TGFBR3: variants seen among roughly 807,000 people sequenced by gnomAD.
TGFBR3 encodes transforming growth factor beta receptor 3.
In TGFBR3, 46 loss-of-function variants were observed where a neutral mutation model predicts 87.9. That is an observed-to-expected ratio of 0.52 (90% CI 0.41 to 0.67). TGFBR3 has a LOEUF of 0.67. Among genes scored for constraint, TGFBR3 ranks in the 30% least tolerant of loss-of-function variants. TGFBR3 has a pLI of 0.00. For synonymous variants in TGFBR3, 381 were observed against 391.6 expected, an observed-to-expected ratio of 0.97 and a Z score of 0.32; for missense variants, 866 against 1,041.9, an observed-to-expected ratio of 0.83 and a Z score of 2.32.
At chr1:91,705,196 C>T (rs940213744) in intron 14 of TGFBR3, among the ~76,000 whole-genome samples, 6 of 151,146 alleles carry the variant, frequency 4.0e-5, no homozygotes, top group African/African-American at 1.5e-4. Flanking sequence ...TAAACCAATG[C>T]AATTAGGCAA....
chr1:91,787,574 T>G (rs1428905839), intron 3 of TGFBR3, among the ~76,000 whole-genome samples: 1 of 151,986 alleles, frequency 6.6e-6, no homozygotes, highest in Admixed American at 6.5e-5. Context: ...AGGCAGAGTT[T>G]TTGGAGTTGT....
At chr1:91,730,936 C>T (rs921687758) in intron 5 of TGFBR3, among the ~76,000 whole-genome samples, 1 of 152,220 alleles carries the variant, frequency 6.6e-6, no homozygotes, top group African/African-American at 2.4e-5. Context: ...GATGCAAGTA[C>T]CAGAATCTGA....
intron 14 of TGFBR3, among the ~76,000 whole-genome samples, chr1:91,703,642 C>T (rs773589086): frequency 1.3e-5 from 2 of 152,100 alleles, no homozygotes; most frequent in African/African-American, 4.8e-5. Context: ...TCATCACCGA[C>T]GTGGTGTAAT....
At chr1:91,883,718 A>G (rs1279455061) in intron 1 of TGFBR3, among the ~76,000 whole-genome samples, 1 of 152,146 alleles carries the variant, frequency 6.6e-6, no homozygotes, top group Non-Finnish European at 1.5e-5. Flanking sequence ...GCTGCCGTGT[A>G]ACGGTCAGAT....
intron 2 of TGFBR3, among the ~76,000 whole-genome samples, chr1:91,818,623 T>A (rs1676334210): frequency 6.6e-6 from 1 of 152,028 alleles, no homozygotes. Context: ...AGGAAAAAAA[T>A]AGGATCAAGG....
At chr1:91,730,346 G>A (rs1394487978) in intron 5 of TGFBR3, among the ~76,000 whole-genome samples, 1 of 152,132 alleles carries the variant, frequency 6.6e-6, no homozygotes, top group African/African-American at 2.4e-5. Flanking sequence ...GAACACCCAG[G>A]CGGGGCCTAG....
chr1:91,684,193 C>T (rs1218453696), intron 16 of TGFBR3, among the ~76,000 whole-genome samples: 4 of 152,194 alleles, frequency 2.6e-5, no homozygotes, highest in African/African-American at 4.8e-5. Context: ...TCTGTGTGAG[C>T]TGGCAACTGA....
chr1:91,842,548 A>G (rs1677324914), intron 2 of TGFBR3, among the ~76,000 whole-genome samples: 1 of 152,194 alleles, frequency 6.6e-6, no homozygotes, highest in Non-Finnish European at 1.5e-5. Flanking sequence ...CCAGGTGCTC[A>G]GTTCAAATCC....
chr1:91,778,863 G>T (rs535993312), intron 3 of TGFBR3, among the ~76,000 whole-genome samples: 2 of 152,202 alleles, frequency 1.3e-5, no homozygotes, highest in East Asian at 3.8e-4. Flanking sequence ...AAAAGAGAGT[G>T]TGTCTGTTGT....
At position 91,773,954 on chromosome 1, in the gene TGFBR3, T is replaced by C. The variant is rs115482268; in HGVS notation, c.247-15204A>G. 5.6e-3 allele frequency among the ~76,000 whole-genome samples: 860 copies of C among 152,276 alleles called. 4 individuals carry two copies. Among genetic ancestry groups the C allele is most frequent in the South Asian group, 8.7e-3 (42 of 4,824 alleles). ...GAGAGTTTCTTTGCTTTCCTTAACT[T>C]TAATTCTGGGTCAGTGTGCCCACTT... On this transcript the variant is annotated intron_variant, in intron 3 of 16. Transcript: ENST00000212355.
chr1:91,808,462 A>ATTTTG (rs763784428), intron 2 of TGFBR3, among the ~76,000 whole-genome samples: 2 of 151,918 alleles, frequency 1.3e-5, no homozygotes, highest in African/African-American at 2.4e-5. Flanking sequence ...TTTGTTTGGT[A>ATTTTG]TTTTGTTTTG....
At position 91,716,267 on chromosome 1, in the gene TGFBR3, G is replaced by T; in HGVS notation, c.1835C>A (p.Ser612Tyr). 1 of 1,614,162 alleles carries T rather than the reference G, an allele frequency of 6.2e-7. No homozygotes were observed. Among genetic ancestry groups the T allele is most frequent in the Non-Finnish European group, 8.5e-7 (1 of 1,180,030 alleles). ...ATAAACGTGTCCATTCTCTGGCACA[G>T]AGAAGACGCCCTGGGAGGGCACCAA... ...LFLVPSQGVFSVPENGHVYVE... is the reference protein window; with the variant it reads ...LFLVPSQGVFYVPENGHVYVE... The change falls in exon 12 of 17, where the codon TCT becomes TAT. Residue 612 changes from serine (S) to tyrosine (Y), a missense_variant. Ser to Tyr is a moderately radical substitution (Grantham distance 144). Transcript: ENST00000212355.
chr1:91,866,180 T>C (rs1678391097), intron 1 of TGFBR3, among the ~76,000 whole-genome samples: 1 of 152,114 alleles, frequency 6.6e-6, no homozygotes, highest in African/African-American at 2.4e-5. Flanking sequence ...GGTACAATAT[T>C]CCCTAAGGTG....
chr1:91,790,452 T>C (rs1675145130), intron 3 of TGFBR3, among the ~76,000 whole-genome samples: 1 of 152,218 alleles, frequency 6.6e-6, no homozygotes, highest in Non-Finnish European at 1.5e-5. Flanking sequence ...GTCTCTGTCA[T>C]GAAGCAATGC....
At chr1:91,748,446 A>G (rs1213567566) in intron 4 of TGFBR3, among the ~76,000 whole-genome samples, 1 of 152,190 alleles carries the variant, frequency 6.6e-6, no homozygotes. Flanking sequence ...GGGTCAAGAA[A>G]CAGTTTTAAA....
intron 16 of TGFBR3, among the ~76,000 whole-genome samples, chr1:91,685,217 G>A (rs1342228303): frequency 2.6e-5 from 4 of 151,948 alleles, no homozygotes; most frequent in African/African-American, 9.7e-5. Context: ...TTGTAAGTTT[G>A]GCCCTTGTTG....
chr1:91,763,151 C>A (rs925387639), intron 3 of TGFBR3, among the ~76,000 whole-genome samples: 3 of 152,156 alleles, frequency 2.0e-5, no homozygotes, highest in Admixed American at 2.0e-4. Flanking sequence ...TGGAAAGATT[C>A]CTTATGAAAA....
intron 7 of TGFBR3, among the ~76,000 whole-genome samples, 185 bp downstream of exon 7, chr1:91,727,474 T>C (rs578072463): frequency 5.0e-4 from 76 of 152,254 alleles, no homozygotes; most frequent in African/African-American, 1.7e-3. Context: ...TCCGTCTTAA[T>C]CCAAGGCCAT....
chr1:91,792,003 T>C (rs1675213012), intron 3 of TGFBR3, among the ~76,000 whole-genome samples: 1 of 152,180 alleles, frequency 6.6e-6, no homozygotes, highest in Non-Finnish European at 1.5e-5. Flanking sequence ...CACTGTGGTC[T>C]TTCCTGCCCT....
Sources: gnomAD v4.1 joint callset for allele counts (sites outside exome capture counted in the v4.1 genomes callset) on GRCh38, gnomAD v4.1.1 for gene constraint, MANE v1.5 for transcripts, NCBI Gene and HGNC (gene_info 2026-07-23, HGNC 2026-07-21) for gene names.